Variants in INTU observed in about 807,000 individuals in gnomAD.
The protein encoded by INTU is protein inturned.
Under a neutral mutation model 100.5 loss-of-function variants are expected in INTU, and 68 were observed. The ratio of observed to expected loss-of-function variants is 0.68; its 90% confidence interval spans 0.56 to 0.83. The LOEUF (loss-of-function observed/expected upper bound fraction) is 0.83, where lower values mean the gene tolerates loss of function less well. Ranked by LOEUF, INTU falls within the 40% of genes least tolerant of loss-of-function variation. The pLI is 0.00. For synonymous variants in INTU, 357 were observed against 395.7 expected, an observed-to-expected ratio of 0.90 and a Z score of 1.16; for missense variants, 1,071 against 1,114.7, an observed-to-expected ratio of 0.96 and a Z score of 0.56.
intron 1 of INTU, among the ~76,000 whole-genome samples, chr4:127,640,592 C>A (rs201959752): frequency 5.6e-5 from 4 of 71,894 alleles, no homozygotes; most frequent in East Asian, 5.9e-4. Flanking sequence ...TATATATATA[C>A]ATATACATAA....
At chr4:127,685,594 C>A in intron 7 of INTU, 2 of 378,872 alleles carry the variant, frequency 5.3e-6, no homozygotes, top group South Asian at 2.0e-5. Context: ...GCTGGGCATC[C>A]ATAAATAGTG....
intron 14 of INTU, among the ~76,000 whole-genome samples, chr4:127,712,202 A>T (rs1342226620): frequency 6.6e-6 from 1 of 152,182 alleles, no homozygotes. Context: ...TTCCTTAGCT[A>T]TGAAGCAAGT....
chr4:127,638,332 A>G (rs1727164096), intron 1 of INTU, among the ~76,000 whole-genome samples: 1 of 152,160 alleles, frequency 6.6e-6, no homozygotes, highest in African/African-American at 2.4e-5. Context: ...CTAAGAAAAA[A>G]AGAAAAAAGT....
rs867025069 is a variant in INTU at position 127,683,106 on chromosome 4, G to A, written c.1182-1303G>A. On this transcript the variant is annotated intron_variant, in intron 6 of 15. Coordinates refer to ENST00000335251, the MANE Select transcript of INTU (RefSeq NM_015693.4). ...CACTGCTGAGCTCTGGACCAAGGTT[G>A]TGCCACATGAGGGATGCTCTAGCTA... Among the ~76,000 whole-genome samples, 141 of 152,266 alleles carry A rather than the reference G, an allele frequency of 9.3e-4. 1 individual carries two copies. Among genetic ancestry groups the A allele is most frequent in the African/African-American group, 3.3e-3 (136 of 41,572 alleles).
At chr4:127,684,807 T>G (rs1243211704) in intron 7 of INTU, among the ~76,000 whole-genome samples, 1 of 152,044 alleles carries the variant, frequency 6.6e-6, no homozygotes, top group South Asian at 2.1e-4. Context: ...TTTTTCCTTT[T>G]TGGTCTCATA....
chr4:127,658,184 G>A (rs994534783), intron 3 of INTU, among the ~76,000 whole-genome samples: 1 of 152,190 alleles, frequency 6.6e-6, no homozygotes, highest in African/African-American at 2.4e-5. Context: ...AACATACTTT[G>A]TATGCACATG....
At chr4:127,715,976 GAAAGT>G (rs1731250345) in intron 15 of INTU, among the ~76,000 whole-genome samples, 1 of 152,012 alleles carries the variant, frequency 6.6e-6, no homozygotes, top group Non-Finnish European at 1.5e-5. Flanking sequence ...TTAAACATTA[GAAAGT>G]AAAGAGCAAT....
In INTU at chr4:127,706,634, C is replaced by T. The variant is rs1730891002; in HGVS notation, c.1936C>T (p.Leu646=). 6.2e-7 allele frequency: 1 copy of T among 1,614,102 alleles called. No individual in the cohort carries two copies. Among genetic ancestry groups the T allele is most frequent in the Admixed American group, 1.7e-5 (1 of 59,996 alleles). ...DGVDSRIDER[L]ASSPVPCLSC... Reference sequence around the variant, plus strand: ...AGTAGATTCTCGCATAGATGAACGGCTAGCATCTTCTCCAGTCCCCTGTTT... The same window carrying T: ...AGTAGATTCTCGCATAGATGAACGGTTAGCATCTTCTCCAGTCCCCTGTTT... Residue 646 remains leucine (L), a synonymous_variant, in exon 12 of 16, where the codon CTA becomes TTA. Coordinates refer to ENST00000335251, the MANE Select transcript of INTU (RefSeq NM_015693.4).
In INTU at chr4:127,643,996, C is replaced by A. The variant is rs756968514; in HGVS notation, c.622C>A (p.Leu208Ile). 1 of 1,614,152 alleles carries A rather than the reference C, an allele frequency of 6.2e-7. No homozygotes were observed. The change falls in exon 2 of 16, where the codon CTT becomes ATT. Residue 208 changes from leucine (L) to isoleucine (I), a missense_variant. Transcript: ENST00000335251. ...CGGAAAGCAGGGTGATGGAGAGAGG[C>A]TTGTGGTTCATGGCCTGCTGCCAGG... ...RTGKQGDGERLVVHGLLPGGS... is the reference protein window; with the variant it reads ...RTGKQGDGERIVVHGLLPGGS...
Position 127,705,767 on chromosome 4 carries a change from C to T in INTU, c.1743C>T (p.Val581=). ...CTTTGGCAGACTCAAGCACTGAAGT[C>T]TTTCCGGAACCTGAAGGAAGATATT... ...LRPLADSSTE[V]FPEPEGRYFL... is the part of the protein sequence containing the mutation. The change falls in exon 11 of 16, where the codon GTC becomes GTT. Residue 581 remains valine, a synonymous_variant. Coordinates refer to ENST00000335251, the MANE Select transcript of INTU (RefSeq NM_015693.4). 6.2e-7 allele frequency: 1 copy of T among 1,614,072 alleles called. No homozygotes were observed. Among genetic ancestry groups the T allele is most frequent in the Non-Finnish European group, 8.5e-7 (1 of 1,179,952 alleles).
chr4:127,683,357 A>G (rs1463752336), intron 6 of INTU, among the ~76,000 whole-genome samples: 1 of 152,152 alleles, frequency 6.6e-6, no homozygotes, highest in East Asian at 1.9e-4. Flanking sequence ...TCCCTCTTCT[A>G]TCTCATTTCA....
At chr4:127,702,748 T>A (rs1730702569) in intron 9 of INTU, among the ~76,000 whole-genome samples, 1 of 152,202 alleles carries the variant, frequency 6.6e-6, no homozygotes, top group South Asian at 2.1e-4. Context: ...ATTATTAAGG[T>A]ATAATTTATG....
At chr4:127,666,004 C>G (rs555791622) in intron 4 of INTU, among the ~76,000 whole-genome samples, 61 of 152,196 alleles carry the variant, frequency 4.0e-4, no homozygotes, top group African/African-American at 1.4e-3. Flanking sequence ...TCTATTATTG[C>G]TGTTAAGAAG....
At chr4:127,712,370 T>C (rs1731125100) in intron 14 of INTU, among the ~76,000 whole-genome samples, 1 of 152,218 alleles carries the variant, frequency 6.6e-6, no homozygotes, top group Non-Finnish European at 1.5e-5. Flanking sequence ...TATTTCCCTT[T>C]TTAACATTAA....
intron 2 of INTU, among the ~76,000 whole-genome samples, chr4:127,645,071 A>C (rs1429268058): frequency 6.6e-6 from 1 of 152,210 alleles, no homozygotes; most frequent in Non-Finnish European, 1.5e-5. Context: ...GTTTACAAGG[A>C]GGATCATATG....
chr4:127,652,683 T>C (rs1030530474), intron 2 of INTU, among the ~76,000 whole-genome samples: 1 of 106,230 alleles, frequency 9.4e-6, no homozygotes, highest in African/African-American at 4.0e-5. Context: ...TAAAATTCTC[T>C]TTTTTGGTTG....
chr4:127,676,245 G>A (rs1488947869), intron 6 of INTU, among the ~76,000 whole-genome samples: 3 of 151,990 alleles, frequency 2.0e-5, no homozygotes, highest in African/African-American at 4.8e-5. Flanking sequence ...CCTTCTCAGA[G>A]ACTGTCCTTT....
intron 1 of INTU, among the ~76,000 whole-genome samples, chr4:127,637,527 A>G (rs1157771025): frequency 6.6e-6 from 1 of 151,936 alleles, no homozygotes; most frequent in Non-Finnish European, 1.5e-5. Context: ...TCCTATCTCT[A>G]CTTGTCAAAA....
intron 13 of INTU, among the ~76,000 whole-genome samples, chr4:127,710,595 G>A (rs949145847): frequency 6.6e-6 from 1 of 152,070 alleles, no homozygotes; most frequent in Non-Finnish European, 1.5e-5. Flanking sequence ...ACCAACCATG[G>A]AAAAAGAGAC....
Sources: gnomAD v4.1 joint callset for allele counts (sites outside exome capture counted in the v4.1 genomes callset) on GRCh38, gnomAD v4.1.1 for gene constraint, MANE v1.5 for transcripts, NCBI Gene and HGNC (gene_info 2026-07-23, HGNC 2026-07-21) for gene names.